CHD9: variants seen among roughly 807,000 people sequenced by gnomAD.
CHD9 encodes ATP-dependent chromatin remodeler CHD9.
Under a neutral mutation model 316.1 loss-of-function variants are expected in CHD9, and 77 were observed. The ratio of observed to expected loss-of-function variants is 0.24; its 90% confidence interval spans 0.20 to 0.29. CHD9 has a LOEUF of 0.29. Among genes scored for constraint, CHD9 ranks in the 10% least tolerant of loss-of-function variants. The pLI, the probability that CHD9 is intolerant of heterozygous loss-of-function variation, is 1.00. For synonymous variants in CHD9, 1,129 were observed against 1,158.3 expected (o/e 0.97, Z 0.51); for missense variants, 2,763 against 3,438.1 (o/e 0.80, Z 4.91).
At chr16:53,296,534 G>A (rs2054816052) in intron 29 of CHD9, among the ~76,000 whole-genome samples, 1 of 142,326 alleles carries the variant, frequency 7.0e-6, no homozygotes, top group Non-Finnish European at 1.5e-5. Context: ...TCCACCTCCT[G>A]GGTTCACGCC....
chr16:53,115,022 G>T (rs2038182010), intron 1 of CHD9, among the ~76,000 whole-genome samples: 1 of 152,222 alleles, frequency 6.6e-6, no homozygotes, highest in African/African-American at 2.4e-5. Flanking sequence ...GAAGTGTGCT[G>T]CAGTTTTCTT....
chr16:53,071,109 T>C lies in CHD9; in HGVS notation c.-165+16032T>C, dbSNP rs563252787. 2.0e-5 allele frequency among the ~76,000 whole-genome samples: 3 copies of C among 152,346 alleles called. No individual in the cohort carries two copies. In the East Asian group the frequency reaches 5.8e-4, roughly 29 times the overall value. Reference sequence around the variant, plus strand: ...GCACTGACATCTCAATATTATGTCTTCCAAGTCATCATGGGATGTCTTTCC... The same window carrying C: ...GCACTGACATCTCAATATTATGTCTCCCAAGTCATCATGGGATGTCTTTCC... On this transcript the variant is annotated intron_variant, in intron 1 of 38. Coordinates refer to ENST00000447540, the MANE Select transcript of CHD9 (RefSeq NM_001308319.2).
chr16:53,215,824 A>T (rs1159182740), intron 3 of CHD9, among the ~76,000 whole-genome samples: 2 of 152,212 alleles, frequency 1.3e-5, no homozygotes, highest in East Asian at 3.8e-4. Context: ...AAATAAGTGC[A>T]TAAATTACAT....
At chr16:53,229,645 T>G (rs2048000257) in intron 8 of CHD9, among the ~76,000 whole-genome samples, 1 of 152,174 alleles carries the variant, frequency 6.6e-6, no homozygotes, top group Non-Finnish European at 1.5e-5. Context: ...TTAAACAAAA[T>G]AGTCACAAAA....
At chr16:53,058,591 G>A (rs1473216103) in intron 1 of CHD9, among the ~76,000 whole-genome samples, 1 of 152,200 alleles carries the variant, frequency 6.6e-6, no homozygotes, top group Non-Finnish European at 1.5e-5. Context: ...CAGGGAGTGT[G>A]GTGGTGAAAG....
chr16:53,121,444 G>A (rs559365558), intron 1 of CHD9: 2 of 456,026 alleles, frequency 4.4e-6, no homozygotes, highest in East Asian at 6.9e-5. Flanking sequence ...ACAAGCAGCT[G>A]TTTATAAAAG....
chr16:53,208,346 G>GTTAC, intron 2 of CHD9: 1 of 1,279,594 alleles, frequency 7.8e-7, no homozygotes, highest in Non-Finnish European at 1.0e-6. Context: ...CCAAGAGGAA[G>GTTAC]GGTAAGTGAA....
At chr16:53,119,933 T>C (rs943986495) in intron 1 of CHD9, among the ~76,000 whole-genome samples, 1 of 152,124 alleles carries the variant, frequency 6.6e-6, no homozygotes, top group Middle Eastern at 3.4e-3. Flanking sequence ...TGGATTTAAA[T>C]TGCACCAGGA....
intron 16 of CHD9, among the ~76,000 whole-genome samples, chr16:53,249,163 A>G (rs1043338232): frequency 2.6e-5 from 4 of 152,190 alleles, no homozygotes; most frequent in African/African-American, 9.7e-5. Flanking sequence ...GTCATAACAA[A>G]CATTATTAGA....
chr16:53,131,059 G>C (rs977622935), intron 1 of CHD9: 1 of 33,446 alleles, frequency 3.0e-5, no homozygotes, highest in African/African-American at 1.2e-4. Flanking sequence ...CGCGCAGCCG[G>C]TAAGTGCCGC....
chr16:53,276,701 C>G (rs1413433817), intron 24 of CHD9, among the ~76,000 whole-genome samples: 1 of 151,868 alleles, frequency 6.6e-6, no homozygotes, highest in African/African-American at 2.4e-5. Flanking sequence ...ATCTTTTTTT[C>G]TCTCTCTCTT....
At chr16:53,063,477 C>G (rs1000945237) in intron 1 of CHD9, among the ~76,000 whole-genome samples, 1 of 151,916 alleles carries the variant, frequency 6.6e-6, no homozygotes, top group Admixed American at 6.6e-5. Context: ...TTTTCTGTCT[C>G]CCTGTATCTA....
chr16:53,084,144 G>T (rs2035264172), intron 1 of CHD9, among the ~76,000 whole-genome samples: 2 of 151,922 alleles, frequency 1.3e-5, no homozygotes, highest in South Asian at 4.2e-4. Flanking sequence ...CTCTTGCCTT[G>T]GGCTCCCAAA....
chr16:53,286,860 A>G (rs564146509), intron 26 of CHD9, among the ~76,000 whole-genome samples: 19 of 152,242 alleles, frequency 1.2e-4, no homozygotes, highest in South Asian at 4.1e-4. Context: ...TCATAGTACA[A>G]TATATATGCT....
At chr16:53,226,251 TTGAG>T in intron 4 of CHD9, 111 bp from the exon 5 acceptor site, 2 of 631,748 alleles carry the variant, frequency 3.2e-6, no homozygotes, top group Non-Finnish European at 5.1e-6. Flanking sequence ...AGATAGTACA[TTGAG>T]TGTCATGTTG....
At chr16:53,317,239 A>C (rs964463829) in intron 36 of CHD9, among the ~76,000 whole-genome samples, 3 of 151,842 alleles carry the variant, frequency 2.0e-5, no homozygotes, top group Non-Finnish European at 2.9e-5. Flanking sequence ...CTAATATTCC[A>C]GAGTACGTGG....
At chr16:53,269,471 T>C (rs2052019987) in intron 22 of CHD9, among the ~76,000 whole-genome samples, 1 of 152,258 alleles carries the variant, frequency 6.6e-6, no homozygotes, top group South Asian at 2.1e-4. Context: ...ACATTAGTTA[T>C]AGATTGTGGT....
intron 10 of CHD9, among the ~76,000 whole-genome samples, chr16:53,233,459 A>C (rs1567528818): frequency 6.6e-6 from 1 of 152,168 alleles, no homozygotes; most frequent in Non-Finnish European, 1.5e-5. Flanking sequence ...CAGTCTCCAC[A>C]TGTTCAGCTC....
chr16:53,103,820 C>T (rs981859612), intron 1 of CHD9, among the ~76,000 whole-genome samples: 10 of 152,196 alleles, frequency 6.6e-5, no homozygotes, highest in Admixed American at 5.9e-4. Flanking sequence ...TTGGTCATCA[C>T]AACAGCACAG....
Sources: allele counts gnomAD v4.1 joint callset (sites outside exome capture counted in the v4.1 genomes callset), GRCh38; gene constraint gnomAD v4.1.1; transcripts MANE v1.5; gene names NCBI Gene and HGNC (gene_info 2026-07-23, HGNC 2026-07-21).